The following ERG variants were observed in gnomAD, a reference collection of about 807,000 sequenced individuals.
ERG encodes transcriptional regulator ERG.
In ERG, 9 loss-of-function variants were observed where a neutral mutation model predicts 55.3. That is an observed-to-expected ratio of 0.16 (90% CI 0.10 to 0.28). The LOEUF is 0.28. Among genes scored for constraint, ERG ranks in the 10% least tolerant of loss-of-function variants. ERG has a pLI of 1.00. For synonymous variants in ERG, 223 were observed against 237.3 expected (o/e 0.94, Z 0.55); for missense variants, 434 against 631.6 (o/e 0.69, Z 3.35).
At chr21:38,619,750 T>C (rs917255082) in intron 1 of ERG, among the ~76,000 whole-genome samples, 3 of 152,252 alleles carry the variant, frequency 2.0e-5, no homozygotes, top group East Asian at 1.9e-4. Context: ...ATTTATGGCA[T>C]TGTGGCTTAA....
intron 1 of ERG, among the ~76,000 whole-genome samples, chr21:38,470,431 G>T (rs2059129365): frequency 6.6e-6 from 1 of 152,102 alleles, no homozygotes; most frequent in Admixed American, 6.5e-5. Flanking sequence ...AAGCTAAGTC[G>T]TAAGATTTTT....
chr21:38,378,598 A>C (rs370467389), downstream of ERG, among the ~76,000 whole-genome samples: 16 of 152,328 alleles, frequency 1.1e-4, no homozygotes, highest in African/African-American at 2.6e-4. Context: ...GACAGCCCCT[A>C]CTTGACATGG....
At chr21:38,641,687 T>C (rs1459268474) in intron 1 of ERG, among the ~76,000 whole-genome samples, 2 of 152,186 alleles carry the variant, frequency 1.3e-5, no homozygotes, top group Non-Finnish European at 2.9e-5. Context: ...TTTTTCATTA[T>C]TTACCTTTTA....
At chr21:38,577,747 G>A (rs2060003530) in intron 1 of ERG, among the ~76,000 whole-genome samples, 1 of 152,212 alleles carries the variant, frequency 6.6e-6, no homozygotes, top group African/African-American at 2.4e-5. Context: ...CAAAGGGAGG[G>A]CGTCCCACTG....
chr21:38,487,480 T>C (rs2059297195), intron 1 of ERG, among the ~76,000 whole-genome samples: 1 of 152,188 alleles, frequency 6.6e-6, no homozygotes, highest in African/African-American at 2.4e-5. Context: ...AAACAATCCC[T>C]AGCCAGGCAA....
intron 2 of ERG, among the ~76,000 whole-genome samples, chr21:38,560,568 C>T (rs79636172): frequency 2.0e-3 from 300 of 152,276 alleles, no homozygotes; most frequent in African/African-American, 6.7e-3. Context: ...TTTTATCCTT[C>T]ACAGGCACAG....
At chr21:38,622,579 TACCACACAC>T (rs1328493607) in intron 1 of ERG, among the ~76,000 whole-genome samples, 1 of 137,790 alleles carries the variant, frequency 7.3e-6, no homozygotes, top group Non-Finnish European at 1.5e-5. Flanking sequence ...TGCTCATATG[TACCACACAC>T]ACCACACACA....
chr21:38,415,666 T>A (rs2061807342), intron 3 of ERG, among the ~76,000 whole-genome samples: 1 of 152,148 alleles, frequency 6.6e-6, no homozygotes, highest in Non-Finnish European at 1.5e-5. Flanking sequence ...GGCCTGAGAA[T>A]AGGCTCTGGT....
At chr21:38,653,743 C>T (rs914462408) in intron 1 of ERG, among the ~76,000 whole-genome samples, 19 of 152,216 alleles carry the variant, frequency 1.2e-4, no homozygotes, top group African/African-American at 4.1e-4. Context: ...AATCTCTAGA[C>T]GTGTCCCGTG....
chr21:38,556,282 T>A (rs2059857952), intron 2 of ERG, among the ~76,000 whole-genome samples: 1 of 152,198 alleles, frequency 6.6e-6, no homozygotes, highest in African/African-American at 2.4e-5. Context: ...ATATAACGAT[T>A]AAAATGTTAA....
At chr21:38,524,055 T>TA (rs1036328383) in intron 2 of ERG, among the ~76,000 whole-genome samples, 6 of 152,230 alleles carry the variant, frequency 3.9e-5, no homozygotes, top group Non-Finnish European at 1.5e-5. Context: ...TTCATACCTC[T>TA]AAAAGATATA....
intron 9 of ERG, among the ~76,000 whole-genome samples, chr21:38,384,716 T>C (rs1987611505): frequency 1.3e-5 from 2 of 151,554 alleles, no homozygotes; most frequent in Non-Finnish European, 2.9e-5. Flanking sequence ...TGGAAAAAAA[T>C]CGAGAATGGA....
At chr21:38,402,386 G>A (rs550452143) in intron 5 of ERG, among the ~76,000 whole-genome samples, 171 bp downstream of exon 5, 2 of 152,202 alleles carry the variant, frequency 1.3e-5, no homozygotes, top group Non-Finnish European at 2.9e-5. Context: ...AAACCAAAGG[G>A]CTTCACCTTC....
intron 1 of ERG, among the ~76,000 whole-genome samples, chr21:38,452,441 A>G (rs574035655): frequency 6.6e-6 from 1 of 152,382 alleles, no homozygotes; most frequent in East Asian, 1.9e-4. Flanking sequence ...ATGCAGATAT[A>G]CAATACATAA....
chr21:38,433,607 G>A (rs1350315653), intron 2 of ERG, among the ~76,000 whole-genome samples: 1 of 152,190 alleles, frequency 6.6e-6, no homozygotes, highest in East Asian at 1.9e-4. Flanking sequence ...GCAATGAAAT[G>A]GCACAGCCGT....
intron 1 of ERG, among the ~76,000 whole-genome samples, chr21:38,650,613 CGCAACAGA>C (rs112460932): frequency 0.062 from 9,447 of 151,518 alleles, 584 homozygotes; most frequent in East Asian, 0.24. Flanking sequence ...CTCCAGCCTG[CGCAACAGA>C]GCAAGACTCT....
intron 1 of ERG, among the ~76,000 whole-genome samples, chr21:38,613,028 T>C (rs996329451): frequency 5.4e-5 from 8 of 148,102 alleles, no homozygotes; most frequent in African/African-American, 1.9e-4. Context: ...TGTATATTAC[T>C]AACAGGCGGG....
At chr21:38,589,585 C>T (rs1053495275), upstream of ERG, among the ~76,000 whole-genome samples, 6 of 152,126 alleles carry the variant, frequency 3.9e-5, no homozygotes, top group African/African-American at 9.7e-5. Context: ...CTCGGGGAAG[C>T]GAGCTAGAGG....
chr21:38,479,268 G>T (rs1286698602), intron 1 of ERG, among the ~76,000 whole-genome samples: 1 of 152,076 alleles, frequency 6.6e-6, no homozygotes, highest in Non-Finnish European at 1.5e-5. Context: ...TCAGGACCTG[G>T]TCTGTTGGGA....
Sources: gnomAD v4.1 joint callset for allele counts (sites outside exome capture counted in the v4.1 genomes callset) on GRCh38, gnomAD v4.1.1 for gene constraint, MANE v1.5 for transcripts, NCBI Gene and HGNC (gene_info 2026-07-23, HGNC 2026-07-21) for gene names.